Variants in CYBB observed in about 807,000 individuals in gnomAD.
The protein encoded by CYBB is cytochrome b-245 beta chain.
In CYBB, 5 loss-of-function variants were observed where a neutral mutation model predicts 46.5. That is an observed-to-expected ratio of 0.11 (90% CI 0.06 to 0.23). The LOEUF is 0.23. Ranked by LOEUF, CYBB falls within the 10% of genes least tolerant of loss-of-function variation. The pLI, the probability that CYBB is intolerant of heterozygous loss-of-function variation, is 1.00. For missense variants in CYBB, 307 were observed against 428.3 expected (o/e 0.72, Z 2.50); for synonymous variants, 183 against 156.7 (o/e 1.17, Z -1.26).
At chrX:37,802,419 T>A (rs1378641429) in intron 8 of CYBB, among the ~76,000 whole-genome samples, 1 of 111,868 alleles carries the variant, frequency 8.9e-6, no homozygotes. Context: ...AAAATAGATA[T>A]TTGTTTTCTT....
At chrX:37,785,512 G>A (rs1384323413) in intron 3 of CYBB, among the ~76,000 whole-genome samples, 4 of 111,886 alleles carry the variant, frequency 3.6e-5, no homozygotes, top group African/African-American at 9.8e-5. Context: ...TTAATATATC[G>A]TAAGTGCCCA....
At chrX:37,797,391 C>T (rs1455761620) in intron 6 of CYBB, among the ~76,000 whole-genome samples, 2 of 111,627 alleles carry the variant, frequency 1.8e-5, no homozygotes, top group African/African-American at 3.3e-5. Flanking sequence ...TGTATGGTTT[C>T]GCAGATACTC....
At chrX:37,783,873 C>T (rs1334179701) in intron 3 of CYBB, among the ~76,000 whole-genome samples, 2 of 111,307 alleles carry the variant, frequency 1.8e-5, no homozygotes, top group Non-Finnish European at 3.8e-5. Context: ...TTTACACACA[C>T]ACACATATAT....
In CYBB at chrX:37,810,958, C is replaced by A. The variant is rs201232380; in HGVS notation, c.*41C>A. The A allele has an allele frequency of 1.3e-4, 145 of 1,134,021 alleles. 1 individual carries two copies. In the East Asian group the frequency reaches 2.8e-3, roughly 22 times the overall value. 93.5% of individuals were successfully genotyped at this position (1,134,021 alleles called of 1,213,427 possible). A position where few individuals can be genotyped will look rare whatever the true frequency, so the allele number is the denominator to read the frequency against. On this transcript the variant is annotated 3_prime_UTR_variant, in exon 13 of 13. Coordinates refer to ENST00000378588, the MANE Select transcript of CYBB (RefSeq NM_000397.4). ...AGGAAATAAATGTGGGTTGTGCTGC[C>A]AAATGCTCAAATAATGCTAATTGAT... is the stretch of plus-strand genomic sequence containing the variant.
intron 3 of CYBB, among the ~76,000 whole-genome samples, chrX:37,786,301 A>G (rs1929064601): frequency 9.0e-6 from 1 of 111,717 alleles, no homozygotes; most frequent in Non-Finnish European, 1.9e-5. Flanking sequence ...TTGGCATTCA[A>G]ACCCAGGTCA....
chrX:37,789,174 C>T (rs781792057), intron 3 of CYBB, among the ~76,000 whole-genome samples: 17 of 111,643 alleles, frequency 1.5e-4, no homozygotes, highest in Non-Finnish European at 2.8e-4. Flanking sequence ...CTTCAAATCT[C>T]TGACTTCCTC....
intron 7 of CYBB, among the ~76,000 whole-genome samples, chrX:37,800,414 T>A (rs1241547333): frequency 8.9e-6 from 1 of 111,883 alleles, no homozygotes; most frequent in Non-Finnish European, 1.9e-5. Flanking sequence ...GTGCTCTCAA[T>A]TTCCAACAGT....
chrX:37,806,138 G>A (rs1556471543), intron 10 of CYBB, among the ~76,000 whole-genome samples: 1 of 111,422 alleles, frequency 9.0e-6, no homozygotes, highest in African/African-American at 3.3e-5. Flanking sequence ...AAATTTGGTG[G>A]GCTAATAGTT....
In CYBB at chrX:37,813,366, G is replaced by A. The variant is rs188865354; in HGVS notation, c.*2449G>A. The A allele has an allele frequency of 9.0e-6, 1 of 110,868 alleles. No homozygotes were observed. The highest frequency in any genetic ancestry group is 1.9e-5 in the Non-Finnish European group (1 of 52,901). The allele number at this position is 110,868 out of a possible 1,213,427, so 9.1% of individuals were successfully genotyped here. Reference sequence around the variant, plus strand: ...GTTTGTGAAATTTGAATACTTGCAGGCTTTGTATGTGAATAATTCTAGCGG... The same window carrying A: ...GTTTGTGAAATTTGAATACTTGCAGACTTTGTATGTGAATAATTCTAGCGG... On this transcript the variant is annotated 3_prime_UTR_variant, in exon 13 of 13. Transcript: ENST00000378588.
rs1434693694 is a variant in CYBB, at chrX:37,811,025, A to G, written c.*108A>G. ...GCTTAAAAATGGACAAAAAGAAACTATAATGTAATGGTTTTCCCTTAAAGG... is the reference window on the plus strand; with the variant it reads ...GCTTAAAAATGGACAAAAAGAAACTGTAATGTAATGGTTTTCCCTTAAAGG... On this transcript the variant is annotated 3_prime_UTR_variant, in exon 13 of 13. Transcript: ENST00000378588. 8.1e-6 allele frequency: 6 copies of G among 743,416 alleles called. No homozygotes were observed. Among genetic ancestry groups the G allele is most frequent in the Non-Finnish European group, 1.0e-5 (5 of 501,831 alleles). 61.3% of individuals were successfully genotyped at this position (743,416 alleles called of 1,213,427 possible). A position where few individuals can be genotyped will look rare whatever the true frequency, so the allele number is the denominator to read the frequency against.
intron 8 of CYBB, 150 bp downstream of exon 8, chrX:37,801,498 T>C: frequency 2.0e-6 from 1 of 511,650 alleles, no homozygotes; most frequent in Admixed American, 2.8e-5. Context: ...ATCAAATGTT[T>C]GAGCCTTTAA....
intron 3 of CYBB, 118 bp from the exon 4 acceptor site, chrX:37,791,857 G>A: frequency 1.8e-6 from 1 of 542,486 alleles, no homozygotes; most frequent in Non-Finnish European, 3.3e-6. Context: ...TAGATATAAT[G>A]ATACAGTTTG....
intron 7 of CYBB, among the ~76,000 whole-genome samples, chrX:37,800,679 G>A (rs1556469661): frequency 9.0e-6 from 1 of 111,313 alleles, no homozygotes; most frequent in African/African-American, 3.3e-5. Flanking sequence ...AACACTGCAT[G>A]TTCTGACCCA....
intron 1 of CYBB, among the ~76,000 whole-genome samples, chrX:37,780,670 G>T (rs1556464278): frequency 9.1e-6 from 1 of 109,454 alleles, no homozygotes; most frequent in Non-Finnish European, 1.9e-5. Context: ...CAAAAGAACA[G>T]AATTGAAATA....
At chrX:37,798,700 G>C (rs1050709356) in intron 6 of CYBB, among the ~76,000 whole-genome samples, 3 of 112,018 alleles carry the variant, frequency 2.7e-5, no homozygotes, top group African/African-American at 9.7e-5. Context: ...TCTCCCTTAA[G>C]AGAATTTGAT....
chrX:37,793,919 A>G, intron 5 of CYBB, 109 bp downstream of exon 5: 1 of 732,392 alleles, frequency 1.4e-6, no homozygotes, highest in Admixed American at 2.5e-5. Flanking sequence ...AAGTTGGCTA[A>G]CCATCAGAGG....
rs377689616 is a variant in CYBB, at chrX:37,807,852, AC to A, written c.1461+1321del. Among the ~76,000 whole-genome samples the A allele has an allele frequency of 5.0e-3, 557 of 111,593 alleles. 8 individuals are homozygous for A. Among genetic ancestry groups the A allele is most frequent in the African/African-American group, 0.017 (535 of 30,676 alleles). ...TGCTCTGCTCCTCCCCAAGACACACACCAGAGACAGTTGGCAATGTAAATAT... is the reference window on the plus strand; with the variant it reads ...TGCTCTGCTCCTCCCCAAGACACACACAGAGACAGTTGGCAATGTAAATAT... On this transcript the variant is annotated intron_variant, in intron 11 of 12. Transcript: ENST00000378588.
In CYBB at chrX:37,795,994, G is replaced by T; in HGVS notation, c.527G>T (p.Gly176Val). ...GLYLAVTLLA[G>V]ITGVVITLCL... Reference sequence around the variant, plus strand: ...TACCTGGCTGTGACCCTGTTGGCAGGCATCACTGGAGTTGTCATCACGCTG... The same window carrying T: ...TACCTGGCTGTGACCCTGTTGGCAGTCATCACTGGAGTTGTCATCACGCTG... Residue 176 changes from glycine to valine, a missense_variant, in exon 6 of 13, where the codon GGC (glycine) becomes GTC (valine). By Grantham distance (109) the Gly-to-Val change is moderately radical (BLOSUM62 -3). Around this residue, in one of 3 missense-constraint regions of CYBB, gnomAD observed 103 missense variants for 150.2 expected, o/e 0.69. Transcript: ENST00000378588. The T allele has an allele frequency of 8.3e-7, 1 of 1,208,049 alleles. No homozygotes were observed. The highest frequency in any genetic ancestry group is 1.8e-5 in the South Asian group (1 of 56,874).
intron 12 of CYBB, 134 bp from the exon 13 acceptor site, chrX:37,810,657 G>T (rs932269538): frequency 8.3e-6 from 5 of 600,865 alleles, no homozygotes; most frequent in African/African-American, 2.2e-5. Context: ...TGATCCCTTT[G>T]CTATTTGTGG....
Sources: gnomAD v4.1 joint callset for allele counts (sites outside exome capture counted in the v4.1 genomes callset) on GRCh38, gnomAD v4.1.1 for gene constraint, gnomAD v4.1.1 regional missense constraint, MANE v1.5 for transcripts, NCBI Gene and HGNC (gene_info 2026-07-23, HGNC 2026-07-21) for gene names.